The following BNC2 variants were observed in gnomAD, a reference collection of about 807,000 sequenced individuals.
BNC2 encodes the protein zinc finger protein basonuclin-2.
BNC2 carries 20 observed loss-of-function variants against 76.3 expected under a neutral mutation model. The observed-to-expected ratio is 0.26, with a 90% CI of 0.18 to 0.38. BNC2 has a LOEUF of 0.38. Among genes scored for constraint, BNC2 ranks in the 10% least tolerant of loss-of-function variants. The probability of loss-of-function intolerance (pLI) is 1.00; values close to 1 mark genes in which losing one functional copy is unlikely to be tolerated. For missense variants in BNC2, 1,382 were observed against 1,399.8 expected (o/e 0.99, Z 0.20); for synonymous variants, 582 against 514.8 (o/e 1.13, Z -1.77).
intron 1 of BNC2, among the ~76,000 whole-genome samples, chr9:16,827,828 A>G (rs1818488866): frequency 6.6e-6 from 1 of 152,200 alleles, no homozygotes; most frequent in Non-Finnish European, 1.5e-5. Context: ...ATGGGCCCCT[A>G]TAATTTATAA....
chr9:16,506,178 TA>T (rs1002292056), intron 5 of BNC2, among the ~76,000 whole-genome samples: 8 of 151,928 alleles, frequency 5.3e-5, no homozygotes, highest in African/African-American at 1.9e-4. Context: ...AAGTGTAGGT[TA>T]AAAAAAATAC....
chr9:16,499,257 G>C (rs1169397416), intron 5 of BNC2, among the ~76,000 whole-genome samples: 2 of 152,050 alleles, frequency 1.3e-5, no homozygotes, highest in African/African-American at 4.8e-5. Context: ...AGAAAACTGA[G>C]GCTCAGTCAG....
intron 5 of BNC2, among the ~76,000 whole-genome samples, chr9:16,450,601 G>A (rs1056194657): frequency 6.6e-6 from 1 of 152,188 alleles, no homozygotes; most frequent in Admixed American, 6.6e-5. Flanking sequence ...AAATCAAATC[G>A]CCTTATGACA....
At chr9:16,680,856 TTCTC>T (rs1029125588) in intron 3 of BNC2, among the ~76,000 whole-genome samples, 1 of 152,136 alleles carries the variant, frequency 6.6e-6, no homozygotes. Flanking sequence ...TCAGTGTACT[TTCTC>T]TTTTTTAAGC....
At chr9:16,735,510 GTT>G (rs1278248183) in intron 2 of BNC2, among the ~76,000 whole-genome samples, 1 of 151,624 alleles carries the variant, frequency 6.6e-6, no homozygotes, top group Non-Finnish European at 1.5e-5. Context: ...TTTTGTTTTT[GTT>G]TTGAGACAGG....
intron 3 of BNC2, among the ~76,000 whole-genome samples, chr9:16,629,073 A>G (rs1821084128): frequency 1.3e-5 from 2 of 152,242 alleles, no homozygotes; most frequent in Non-Finnish European, 2.9e-5. Context: ...AAATAAATAC[A>G]GAGTAGTGAA....
chr9:16,778,604 T>C (rs1385879318), intron 1 of BNC2, among the ~76,000 whole-genome samples: 1 of 152,190 alleles, frequency 6.6e-6, no homozygotes, highest in Non-Finnish European at 1.5e-5. Context: ...ATTTTGCAGA[T>C]AAAAGGCTCA....
At chr9:16,660,069 A>G (rs1168420975) in intron 3 of BNC2, among the ~76,000 whole-genome samples, 1 of 152,240 alleles carries the variant, frequency 6.6e-6, no homozygotes, top group Non-Finnish European at 1.5e-5. Context: ...TACTCACACT[A>G]GGGACCCCAT....
At chr9:16,644,417 C>T (rs1361432675) in intron 3 of BNC2, among the ~76,000 whole-genome samples, 2 of 152,034 alleles carry the variant, frequency 1.3e-5, no homozygotes, top group African/African-American at 4.8e-5. Context: ...ATAAACTTCA[C>T]AGGCAACAAA....
At chr9:16,748,437 C>T (rs1200883245) in intron 1 of BNC2, among the ~76,000 whole-genome samples, 1 of 152,066 alleles carries the variant, frequency 6.6e-6, no homozygotes, top group Non-Finnish European at 1.5e-5. Context: ...CACCTGAGCC[C>T]GGGGTGGTCG....
chr9:16,603,345 T>G (rs1210881382), intron 3 of BNC2, among the ~76,000 whole-genome samples: 1 of 152,250 alleles, frequency 6.6e-6, no homozygotes, highest in African/African-American at 2.4e-5. Flanking sequence ...TGTAACCAGT[T>G]AAAATTACAT....
At chr9:16,790,239 C>A (rs960387406) in intron 1 of BNC2, among the ~76,000 whole-genome samples, 2 of 152,112 alleles carry the variant, frequency 1.3e-5, no homozygotes, top group Admixed American at 1.3e-4. Context: ...CCTCGTGATC[C>A]GCCCGCCTCG....
At chr9:16,554,339 A>T (rs559362502) in intron 4 of BNC2, among the ~76,000 whole-genome samples, 1 of 152,162 alleles carries the variant, frequency 6.6e-6, no homozygotes, top group Non-Finnish European at 1.5e-5. Context: ...GTCACTAGAG[A>T]GTTCATGTAC....
intron 5 of BNC2, among the ~76,000 whole-genome samples, chr9:16,496,105 C>T (rs1015833583): frequency 1.3e-5 from 2 of 151,822 alleles, no homozygotes; most frequent in African/African-American, 4.8e-5. Flanking sequence ...GACAGGGTTT[C>T]GCCATGTTGG....
At chr9:16,569,070 G>A (rs1300566141) in intron 4 of BNC2, among the ~76,000 whole-genome samples, 1 of 148,572 alleles carries the variant, frequency 6.7e-6, no homozygotes, top group African/African-American at 2.5e-5. Context: ...TGATCCCCAA[G>A]TGTGGTGATA....
At chr9:16,471,745 A>T (rs937443186) in intron 5 of BNC2, among the ~76,000 whole-genome samples, 1 of 152,160 alleles carries the variant, frequency 6.6e-6, no homozygotes, top group Non-Finnish European at 1.5e-5. Flanking sequence ...ATGTGAGGAC[A>T]TAAGATTTGG....
chr9:16,548,915 A>G (rs1818571709), intron 5 of BNC2, among the ~76,000 whole-genome samples: 1 of 152,220 alleles, frequency 6.6e-6, no homozygotes, highest in African/African-American at 2.4e-5. Flanking sequence ...AGTCCAAGTT[A>G]TGTTATGCAT....
intron 5 of BNC2, among the ~76,000 whole-genome samples, chr9:16,487,018 G>A (rs1301530857): frequency 3.3e-5 from 5 of 152,188 alleles, no homozygotes; most frequent in East Asian, 1.9e-4. Context: ...CATAGACATC[G>A]TTAATCTCAT....
chr9:16,770,051 A>AT (rs1236644349), intron 1 of BNC2, among the ~76,000 whole-genome samples: 1 of 152,202 alleles, frequency 6.6e-6, no homozygotes, highest in Admixed American at 6.5e-5. Context: ...CCCAAAATGA[A>AT]TGTAAGGCCC....
Sources: allele counts gnomAD v4.1 joint callset (sites outside exome capture counted in the v4.1 genomes callset), GRCh38; gene constraint gnomAD v4.1.1; transcripts MANE v1.5; gene names NCBI Gene and HGNC (gene_info 2026-07-23, HGNC 2026-07-21).